CABLES1: variants seen among roughly 807,000 people sequenced by gnomAD.
CABLES1 encodes the protein Cdk5 and Abl enzyme substrate 1, also known as CDK5 and ABL1 enzyme substrate 1.
Under a neutral mutation model 57.8 loss-of-function variants are expected in CABLES1, and 36 were observed. That is an observed-to-expected ratio of 0.62 (90% CI 0.48 to 0.82). The LOEUF (loss-of-function observed/expected upper bound fraction) is 0.82, where lower values mean the gene tolerates loss of function less well. Ranked by LOEUF, CABLES1 falls within the 40% of genes least tolerant of loss-of-function variation. The pLI is 0.00. For missense variants in CABLES1, 767 were observed against 836.6 expected (o/e 0.92, Z 1.03); for synonymous variants, 374 against 363.0 (o/e 1.03, Z -0.35).
chr18:23,220,942 T>C (rs1000403743), intron 4 of CABLES1, among the ~76,000 whole-genome samples: 1 of 152,096 alleles, frequency 6.6e-6, no homozygotes, highest in African/African-American at 2.4e-5. Flanking sequence ...GTCTGTATGG[T>C]GTTGATGCAC....
At chr18:23,243,195 A>G (rs2047779687) in intron 7 of CABLES1, among the ~76,000 whole-genome samples, 1 of 152,020 alleles carries the variant, frequency 6.6e-6, no homozygotes, top group Non-Finnish European at 1.5e-5. Context: ...GACCCTTTCC[A>G]TGGCCTCAGG....
chr18:23,142,319 A>G (rs958461853), intron 1 of CABLES1, among the ~76,000 whole-genome samples: 2 of 152,132 alleles, frequency 1.3e-5, no homozygotes, highest in Non-Finnish European at 2.9e-5. Flanking sequence ...GGCACGGGCA[A>G]TATCGCAGCT....
chr18:23,157,404 G>A (rs2046972979), intron 1 of CABLES1, among the ~76,000 whole-genome samples: 1 of 152,122 alleles, frequency 6.6e-6, no homozygotes, highest in Non-Finnish European at 1.5e-5. Flanking sequence ...TTTTACAAAG[G>A]CCTGCCTCAG....
intron 4 of CABLES1, among the ~76,000 whole-genome samples, chr18:23,228,512 T>G (rs1220663037): frequency 1.3e-5 from 2 of 152,114 alleles, no homozygotes; most frequent in Non-Finnish European, 2.9e-5. Context: ...GAGAGCTACA[T>G]TAAATTAATT....
At chr18:23,238,222 A>G (rs1440549761) in intron 7 of CABLES1, among the ~76,000 whole-genome samples, 2 of 152,190 alleles carry the variant, frequency 1.3e-5, no homozygotes, top group Non-Finnish European at 2.9e-5. Flanking sequence ...GTGGAAACCA[A>G]TCCCCCGTAC....
chr18:23,220,546 A>G (rs1466296986), intron 4 of CABLES1, among the ~76,000 whole-genome samples: 1 of 152,158 alleles, frequency 6.6e-6, no homozygotes, highest in Non-Finnish European at 1.5e-5. Flanking sequence ...TGGAATGCAC[A>G]CTTGAGAACC....
At chr18:23,155,956 A>G in intron 1 of CABLES1, 1 of 1,614,090 alleles carries the variant, frequency 6.2e-7, no homozygotes, top group East Asian at 2.2e-5. Context: ...TTCCCATGTA[A>G]GTTGTCAGAG....
chr18:23,139,344 A>G lies in CABLES1; in HGVS notation c.845+2737A>G, dbSNP rs1342785948. Among the ~76,000 whole-genome samples the G allele has an allele frequency of 6.8e-5, 10 of 147,972 alleles. No individual in the cohort carries two copies. The Admixed American group carries it at 6.9e-4, about 10-fold the overall frequency. On this transcript the variant is annotated intron_variant, in intron 1 of 9. Transcript: ENST00000256925. Reference sequence around the variant, plus strand: ...CTTGAACCCAGGAGGCGGAGGTTGCAGTGAGCCAAGATTGTGCTATTGCAC... The same window carrying G: ...CTTGAACCCAGGAGGCGGAGGTTGCGGTGAGCCAAGATTGTGCTATTGCAC...
At chr18:23,167,921 A>G (rs554825817) in intron 1 of CABLES1, among the ~76,000 whole-genome samples, 114 of 152,374 alleles carry the variant, frequency 7.5e-4, no homozygotes, top group African/African-American at 2.7e-3. Context: ...GTTCATGCAC[A>G]CGCTTAAATG....
chr18:23,181,496 C>CAAAAA (rs59742943), intron 1 of CABLES1, among the ~76,000 whole-genome samples: 2,445 of 35,400 alleles, frequency 0.069, 605 homozygotes, highest in Non-Finnish European at 0.088. Flanking sequence ...AGCTTCGTCT[C>CAAAAA]AAAAAAAAAA....
chr18:23,170,027 C>G (rs991571198), intron 1 of CABLES1, among the ~76,000 whole-genome samples: 1 of 152,150 alleles, frequency 6.6e-6, no homozygotes, highest in Admixed American at 6.5e-5. Context: ...TCTCAGCTCC[C>G]CCTGCTCTGG....
At chr18:23,229,641 T>G (rs985371385) in intron 4 of CABLES1, among the ~76,000 whole-genome samples, 2 of 152,240 alleles carry the variant, frequency 1.3e-5, no homozygotes, top group African/African-American at 2.4e-5. Flanking sequence ...TTCAGAACAA[T>G]GATCTTAGAA....
At chr18:23,167,713 G>A (rs1297486390) in intron 1 of CABLES1, among the ~76,000 whole-genome samples, 1 of 151,220 alleles carries the variant, frequency 6.6e-6, no homozygotes, top group Non-Finnish European at 1.5e-5. Flanking sequence ...TGAAGCCCGG[G>A]AGGCCATGGG....
chr18:23,255,557 A>ATTT lies in CABLES1; in HGVS notation c.1761+1639_1761+1641dup, dbSNP rs397858640. Among the ~76,000 whole-genome samples, 678 of 132,532 alleles carry ATTT rather than the reference A, an allele frequency of 5.1e-3. 15 individuals carry two copies. The highest frequency in any genetic ancestry group is 0.019 in the African/African-American group (645 of 34,518). The allele number at this position is 132,532 out of a possible 152,430, so 86.9% of individuals were successfully genotyped here. A position where few individuals can be genotyped will look rare whatever the true frequency, so the allele number is the denominator to read the frequency against. On this transcript the variant is annotated intron_variant, in intron 9 of 9. Transcript: ENST00000256925. ...TATACAGACATCTGCTGAACTAATGATTTTTTTTTTTTTTTTTTTTGAGAC... is the reference window on the plus strand; with the variant it reads ...TATACAGACATCTGCTGAACTAATGATTTTTTTTTTTTTTTTTTTTTTTGAGAC...
intron 4 of CABLES1, among the ~76,000 whole-genome samples, chr18:23,226,810 G>A (rs538140113): frequency 4.9e-4 from 75 of 152,252 alleles, no homozygotes; most frequent in African/African-American, 1.7e-3. Context: ...ACATGGATCC[G>A]ACCAGAAGAA....
chr18:23,151,828 T>C (rs2046932808), intron 1 of CABLES1, among the ~76,000 whole-genome samples: 1 of 152,168 alleles, frequency 6.6e-6, no homozygotes, highest in Non-Finnish European at 1.5e-5. Flanking sequence ...GAAGGGCTCA[T>C]GCAGGCAGGA....
intron 1 of CABLES1, among the ~76,000 whole-genome samples, chr18:23,179,483 G>A (rs1598814290): frequency 6.6e-6 from 1 of 152,344 alleles, no homozygotes; most frequent in Admixed American, 6.5e-5. Context: ...GAGGCTCGGG[G>A]AGGAGGTTTT....
intron 1 of CABLES1, among the ~76,000 whole-genome samples, chr18:23,166,438 G>A (rs2047043111): frequency 6.6e-6 from 1 of 152,084 alleles, no homozygotes; most frequent in South Asian, 2.1e-4. Flanking sequence ...CCTGACCTTA[G>A]GTGATCTGCC....
At chr18:23,246,593 G>GT (rs1368216448) in intron 7 of CABLES1, among the ~76,000 whole-genome samples, 2 of 151,068 alleles carry the variant, frequency 1.3e-5, no homozygotes, top group African/African-American at 2.5e-5. Flanking sequence ...GGGTTTCACC[G>GT]TGTTAGCCAG....
Sources: allele counts gnomAD v4.1 joint callset (sites outside exome capture counted in the v4.1 genomes callset), GRCh38; gene constraint gnomAD v4.1.1; transcripts MANE v1.5; gene names NCBI Gene and HGNC (gene_info 2026-07-23, HGNC 2026-07-21).